The following NBAS variants were observed in gnomAD, a reference collection of about 807,000 sequenced individuals.
NBAS encodes the protein NBAS subunit of NRZ tethering complex, also known as NAG/BC035112 fusion.
NBAS carries 219 observed loss-of-function variants against 302.5 expected under a neutral mutation model. The ratio of observed to expected loss-of-function variants is 0.72; its 90% confidence interval spans 0.65 to 0.81. The LOEUF is 0.81. NBAS is among the 30% of genes least tolerant of loss of function. NBAS has a pLI of 0.00. For synonymous variants in NBAS, 1,118 were observed against 1,021.6 expected (o/e 1.09, Z -1.80); for missense variants, 2,932 against 2,841.6 (o/e 1.03, Z -0.72).
At chr2:15,085,469 T>C in the NBAS span, among the ~76,000 whole-genome samples, 3 of 151,930 alleles carry the variant, frequency 2.0e-5, no homozygotes, top group Non-Finnish European at 2.9e-5. Context: ...GCTGGGGCAA[T>C]GTGGGGAGCT....
intron 49 of NBAS, among the ~76,000 whole-genome samples, chr2:15,187,945 C>T (rs558180397): frequency 6.6e-6 from 1 of 152,304 alleles, no homozygotes; most frequent in South Asian, 2.1e-4. Flanking sequence ...ACACACAGTT[C>T]TGTGAGAGTG....
the NBAS span, among the ~76,000 whole-genome samples, chr2:15,148,373 T>C: frequency 5.3e-5 from 8 of 152,130 alleles, no homozygotes; most frequent in East Asian, 1.5e-3. Context: ...AAACTTAAGT[T>C]GAGGGGCAGG....
chr2:15,435,798 A>G (rs1677982560), intron 21 of NBAS, among the ~76,000 whole-genome samples: 1 of 152,196 alleles, frequency 6.6e-6, no homozygotes, highest in Admixed American at 6.5e-5. Flanking sequence ...GATAGTATAT[A>G]AGTGGTATAC....
the NBAS span, among the ~76,000 whole-genome samples, chr2:15,017,359 C>A: frequency 6.6e-6 from 1 of 151,866 alleles, no homozygotes; most frequent in Non-Finnish European, 1.5e-5. Context: ...GCAAAGAAAA[C>A]AACAGAGTGA....
chr2:15,069,550 G>A, the NBAS span, among the ~76,000 whole-genome samples: 5 of 150,982 alleles, frequency 3.3e-5, no homozygotes, highest in Admixed American at 2.6e-4. Flanking sequence ...TGGTTTCAGT[G>A]GGGCTCAAAA....
the NBAS span, among the ~76,000 whole-genome samples, chr2:14,833,398 T>C: frequency 0.32 from 48,873 of 151,966 alleles, 8,071 homozygotes; most frequent in East Asian, 0.4. Flanking sequence ...GGACAATGTG[T>C]ATAAATTTCT....
chr2:14,821,418 G>C, the NBAS span, among the ~76,000 whole-genome samples: 1 of 152,152 alleles, frequency 6.6e-6, no homozygotes, highest in African/African-American at 2.4e-5. Context: ...TTGACTACTT[G>C]ATGCTGACAT....
the NBAS span, among the ~76,000 whole-genome samples, chr2:14,974,831 G>A: frequency 6.6e-6 from 1 of 152,194 alleles, no homozygotes; most frequent in Admixed American, 6.5e-5. Context: ...ATACGACACA[G>A]TTCATCCTAA....
the NBAS span, among the ~76,000 whole-genome samples, chr2:15,098,630 T>C: frequency 3.8e-4 from 42 of 111,946 alleles, no homozygotes; most frequent in African/African-American, 1.5e-3. Flanking sequence ...ATATATTGTA[T>C]ATTATATATT....
chr2:14,810,273 C>T, the NBAS span, among the ~76,000 whole-genome samples: 779 of 152,150 alleles, frequency 5.1e-3, 13 homozygotes, highest in African/African-American at 0.018. Context: ...TGGCTGTGTC[C>T]CCACCCAAAT....
intron 48 of NBAS, among the ~76,000 whole-genome samples, chr2:15,194,336 C>G (rs762955297): frequency 2.1e-4 from 32 of 152,052 alleles, no homozygotes; most frequent in Admixed American, 3.9e-4. Context: ...TATAGGAGAA[C>G]ATTAATGTGA....
rs181174063 is a variant in NBAS, at chr2:15,355,657, G to A, written c.3931+646C>T. Reference sequence around the variant, plus strand: ...CATATCCACTTGGTGCTGTCGTTGTGATAGTGAGTTGAGATCTGGTTGTTT... The same window carrying A: ...CATATCCACTTGGTGCTGTCGTTGTAATAGTGAGTTGAGATCTGGTTGTTT... On this transcript the variant is annotated intron_variant, in intron 33 of 51. Coordinates refer to ENST00000281513, the MANE Select transcript of NBAS (RefSeq NM_015909.4). Among the ~76,000 whole-genome samples the A allele has an allele frequency of 1.1e-4, 17 of 152,182 alleles. No individual in the cohort carries two copies. The East Asian group carries it at 2.1e-3, about 19-fold the overall frequency.
chr2:15,458,638 G>T (rs148143477), intron 21 of NBAS, among the ~76,000 whole-genome samples: 1 of 152,144 alleles, frequency 6.6e-6, no homozygotes, highest in Non-Finnish European at 1.5e-5. Context: ...TGTACAGTCT[G>T]TGCAACTGTG....
chr2:14,879,902 A>G, the NBAS span, among the ~76,000 whole-genome samples: 1 of 152,186 alleles, frequency 6.6e-6, no homozygotes, highest in African/African-American at 2.4e-5. Context: ...CTTTAAATGG[A>G]AAATGCCAGT....
chr2:15,269,861 T>C (rs1307624615), intron 44 of NBAS, among the ~76,000 whole-genome samples: 1 of 152,218 alleles, frequency 6.6e-6, no homozygotes, highest in Non-Finnish European at 1.5e-5. Flanking sequence ...TTATCACATG[T>C]TGAGTTTCAG....
chr2:15,262,709 T>C (rs1248335602), intron 44 of NBAS, among the ~76,000 whole-genome samples: 3 of 152,302 alleles, frequency 2.0e-5, no homozygotes, highest in Non-Finnish European at 4.4e-5. Flanking sequence ...TTTTCCTGTG[T>C]CTATGTTCAT....
chr2:14,798,895 A>C, the NBAS span, among the ~76,000 whole-genome samples: 2 of 152,104 alleles, frequency 1.3e-5, no homozygotes, highest in East Asian at 1.9e-4. Flanking sequence ...TAAGATCTGT[A>C]GAATCTACAG....
chr2:15,247,088 T>C (rs148496735), intron 44 of NBAS, among the ~76,000 whole-genome samples: 3 of 152,224 alleles, frequency 2.0e-5, no homozygotes, highest in African/African-American at 7.2e-5. Flanking sequence ...AAGAGGTCAC[T>C]AGTCAAAGGA....
intron 47 of NBAS, among the ~76,000 whole-genome samples, chr2:15,220,787 A>G (rs1439286074): frequency 1.3e-5 from 2 of 152,050 alleles, no homozygotes; most frequent in Non-Finnish European, 2.9e-5. Flanking sequence ...TTTTAGCTAT[A>G]AATCACCTAG....
Sources: gnomAD v4.1 joint callset for allele counts (sites outside exome capture counted in the v4.1 genomes callset) on GRCh38, gnomAD v4.1.1 for gene constraint, MANE v1.5 for transcripts, NCBI Gene and HGNC (gene_info 2026-07-23, HGNC 2026-07-21) for gene names.